The following REEP1 variants were observed in gnomAD, a reference collection of about 807,000 sequenced individuals.
REEP1 encodes receptor expression-enhancing protein 1.
A neutral mutation model predicts 40.3 loss-of-function variants in REEP1; 22 were observed. That is an observed-to-expected ratio of 0.55 (90% CI 0.39 to 0.78). The LOEUF is 0.78. Among genes scored for constraint, REEP1 ranks in the 30% least tolerant of loss-of-function variants. REEP1 has a pLI of 0.00. For synonymous variants in REEP1, 116 were observed against 139.2 expected, an observed-to-expected ratio of 0.83 and a Z score of 1.17; for missense variants, 280 against 361.1, an observed-to-expected ratio of 0.78 and a Z score of 1.82.
At chr2:86,277,728 G>C (rs139010990) in intron 2 of REEP1, among the ~76,000 whole-genome samples, 4 of 152,254 alleles carry the variant, frequency 2.6e-5, no homozygotes, top group African/African-American at 7.2e-5. Context: ...GGCGGAAGAG[G>C]AAAGCCTCAG....
intron 1 of REEP1, among the ~76,000 whole-genome samples, chr2:86,295,778 A>C (rs1267820909): frequency 6.6e-6 from 1 of 152,176 alleles, no homozygotes; most frequent in African/African-American, 2.4e-5. Flanking sequence ...TGACCTCGTG[A>C]TCCGCCCGCC....
chr2:86,222,651 T>C (rs4832256), intron 7 of REEP1, among the ~76,000 whole-genome samples: 118,742 of 152,148 alleles, frequency 0.78, 48,134 homozygotes, highest in South Asian at 0.9. Context: ...ACCTTGATGG[T>C]ATGCATTTAA....
At chr2:86,313,620 C>T (rs1048682817) in intron 1 of REEP1, among the ~76,000 whole-genome samples, 1 of 152,204 alleles carries the variant, frequency 6.6e-6, no homozygotes, top group Non-Finnish European at 1.5e-5. Context: ...ATATTGAAAC[C>T]AGTTTGAGCC....
intron 1 of REEP1, among the ~76,000 whole-genome samples, chr2:86,334,567 G>T (rs917463216): frequency 6.6e-6 from 1 of 152,140 alleles, no homozygotes; most frequent in Non-Finnish European, 1.5e-5. Context: ...TATTTCCTCT[G>T]CAGTTTTACA....
chr2:86,321,689 A>G (rs146656366), intron 1 of REEP1, among the ~76,000 whole-genome samples: 2 of 152,352 alleles, frequency 1.3e-5, no homozygotes, highest in East Asian at 3.9e-4. Context: ...CACTTAGACT[A>G]AAGACCAAAA....
At chr2:86,332,615 T>G (rs1330782158) in intron 1 of REEP1, among the ~76,000 whole-genome samples, 1 of 152,090 alleles carries the variant, frequency 6.6e-6, no homozygotes, top group African/African-American at 2.4e-5. Context: ...ATAGCGGGCT[T>G]CAGAAGGAAG....
At chr2:86,279,640 T>C (rs1677951300) in intron 2 of REEP1, among the ~76,000 whole-genome samples, 1 of 152,184 alleles carries the variant, frequency 6.6e-6, no homozygotes, top group South Asian at 2.1e-4. Context: ...GTGGAGAACC[T>C]TTCCCAGTGA....
intron 2 of REEP1, among the ~76,000 whole-genome samples, chr2:86,273,251 C>G (rs1028932083): frequency 6.7e-6 from 1 of 150,098 alleles, no homozygotes; most frequent in African/African-American, 2.4e-5. Context: ...CTTACATTGG[C>G]TTATGAGGCC....
At chr2:86,299,249 T>C (rs35281683) in intron 1 of REEP1, among the ~76,000 whole-genome samples, 52,026 of 152,176 alleles carry the variant, frequency 0.34, 9,846 homozygotes, top group Middle Eastern at 0.45. Context: ...CAAAATCCTA[T>C]GCATTCTTCT....
At chr2:86,309,614 C>T (rs376916007) in intron 1 of REEP1, among the ~76,000 whole-genome samples, 1 of 152,170 alleles carries the variant, frequency 6.6e-6, no homozygotes, top group African/African-American at 2.4e-5. Context: ...TGATCGGGTG[C>T]CAGCATGGTC....
At chr2:86,325,571 G>A (rs985881358) in intron 1 of REEP1, among the ~76,000 whole-genome samples, 1 of 152,204 alleles carries the variant, frequency 6.6e-6, no homozygotes, top group Non-Finnish European at 1.5e-5. Flanking sequence ...GTAATCACAA[G>A]TGTCCTAAGA....
chr2:86,330,684 G>A (rs972964022), intron 1 of REEP1, among the ~76,000 whole-genome samples: 1 of 151,970 alleles, frequency 6.6e-6, no homozygotes, highest in African/African-American at 2.4e-5. Flanking sequence ...GGGCTCAAGT[G>A]ATCTGTCCAC....
intron 1 of REEP1, among the ~76,000 whole-genome samples, chr2:86,326,995 A>C (rs1271766550): frequency 6.6e-6 from 1 of 152,170 alleles, no homozygotes; most frequent in Non-Finnish European, 1.5e-5. Context: ...CGGGCTAGTG[A>C]TTTTGACAGA....
chr2:86,269,942 G>A (rs1677346149), intron 2 of REEP1, among the ~76,000 whole-genome samples: 1 of 151,574 alleles, frequency 6.6e-6, no homozygotes, highest in Non-Finnish European at 1.5e-5. Flanking sequence ...TCTGATACAG[G>A]ACTTGTATTC....
At chr2:86,232,295 GC>G (rs1288068542) in intron 6 of REEP1, among the ~76,000 whole-genome samples, 1 of 152,184 alleles carries the variant, frequency 6.6e-6, no homozygotes, top group Non-Finnish European at 1.5e-5. Context: ...GGCTCCCGGG[GC>G]CCAGGTCCAG....
chr2:86,264,639 C>A (rs1378472936), intron 2 of REEP1, among the ~76,000 whole-genome samples: 1 of 152,158 alleles, frequency 6.6e-6, no homozygotes, highest in Non-Finnish European at 1.5e-5. Context: ...GACTATCACC[C>A]CATTTAAAAT....
chr2:86,296,209 T>G (rs1168265707), intron 1 of REEP1, among the ~76,000 whole-genome samples: 1 of 152,240 alleles, frequency 6.6e-6, no homozygotes, highest in East Asian at 1.9e-4. Flanking sequence ...CACTCCTCAG[T>G]AATTAGCACT....
intron 6 of REEP1, 102 bp from the exon 7 acceptor site, chr2:86,227,500 G>A: frequency 2.1e-6 from 2 of 948,894 alleles, no homozygotes; most frequent in Non-Finnish European, 2.7e-6. Context: ...GGATCCCAGT[G>A]TGTACAATAT....
intron 5 of REEP1, among the ~76,000 whole-genome samples, chr2:86,238,041 C>G (rs568664836): frequency 6.6e-6 from 1 of 152,024 alleles, no homozygotes; most frequent in Non-Finnish European, 1.5e-5. Flanking sequence ...ATTAGCCAGG[C>G]ATGGTGGTGC....
Sources: gnomAD v4.1 joint callset for allele counts (sites outside exome capture counted in the v4.1 genomes callset) on GRCh38, gnomAD v4.1.1 for gene constraint, MANE v1.5 for transcripts, NCBI Gene and HGNC (gene_info 2026-07-23, HGNC 2026-07-21) for gene names.